The following TMEM190 variants were observed in gnomAD, a reference collection of about 807,000 sequenced individuals.
TMEM190 encodes transmembrane protein 190.
TMEM190 carries 17 observed loss-of-function variants against 17.1 expected under a neutral mutation model. That is an observed-to-expected ratio of 0.99 (90% CI 0.68 to 1.49). TMEM190 has a LOEUF of 1.49. Among genes scored for constraint, TMEM190 ranks in the 40% most tolerant of loss-of-function variants. TMEM190 has a pLI of 0.00. For missense variants in TMEM190, 246 were observed against 245.0 expected, an observed-to-expected ratio of 1.00 and a Z score of -0.03; for synonymous variants, 101 against 103.8, an observed-to-expected ratio of 0.97 and a Z score of 0.16.
Position 55,377,602 on chromosome 19 carries a change from G to A in TMEM190, c.104G>A (p.Gly35Asp). 1.9e-6 allele frequency: 3 copies of A among 1,610,620 alleles called. No homozygotes were observed. Among genetic ancestry groups the A allele is most frequent in the South Asian group, 1.1e-5 (1 of 90,706 alleles). The change falls in exon 3 of 5, where the codon GGT becomes GAT. Residue 35 changes from glycine to aspartate, a missense_variant. Physicochemically the swap from Gly to Asp is moderately conservative, Grantham distance 94. Coordinates refer to ENST00000291934, the MANE Select transcript of TMEM190 (RefSeq NM_139172.3). ...GGTGGTTGGTCCCCAGGCTGTGAGG[G>A]TGACATATGGGACCGGGAGAGCTGT... Reference protein sequence around the residue: ...QGFFYPWSCEGDIWDRESCGG... With the variant: ...QGFFYPWSCEDDIWDRESCGG...
At chr19:55,377,745 G>A (rs1288969466) in intron 3 of TMEM190, 27 bp downstream of exon 3, 2 of 1,611,894 alleles carry the variant, frequency 1.2e-6, no homozygotes, top group Middle Eastern at 1.6e-4. Flanking sequence ...CCAGGTCCCT[G>A]GGGCGTGGGT....
Position 55,377,819 on chromosome 19 carries a change from C to G in TMEM190, c.238C>G (p.His80Asp), listed in dbSNP as rs2089864273. ...QRPDENVRRK[H>D]MWALVWTCSG... is the part of the protein sequence containing the mutation. ...TTGTCCAGAAAACGTGCGGAGGAAG[C>G]ACATGTGGGCGCTGGTCTGGACGTG... The change falls in exon 4 of 5, where the codon CAC (histidine) becomes GAC (aspartate). Residue 80 changes from histidine (H) to aspartate (D), a missense_variant. Physicochemically the swap from His to Asp is moderately conservative, Grantham distance 81 (BLOSUM62 -1). Coordinates refer to ENST00000291934, the MANE Select transcript of TMEM190 (RefSeq NM_139172.3). 6.2e-7 allele frequency: 1 copy of G among 1,611,750 alleles called. No homozygotes were observed. Among genetic ancestry groups the G allele is most frequent in the Non-Finnish European group, 8.5e-7 (1 of 1,179,794 alleles).
chr19:55,378,019 C>T lies in TMEM190; in HGVS notation c.350C>T (p.Ala117Val), dbSNP rs370742717. ...GTGCTGCATATGCCCGGTTTCCTGG[C>T]GGGTCCGTGTGACATGTCCAAGTCC... is the stretch of plus-strand genomic sequence containing the variant. ...RDVLHMPGFLAGPCDMSKSVS... is the reference protein window; with the variant it reads ...RDVLHMPGFLVGPCDMSKSVS... Residue 117 changes from alanine (A) to valine (V), a missense_variant, in exon 5 of 5, where the codon GCG becomes GTG. Physicochemically the swap from Ala to Val is moderately conservative, Grantham distance 64. Transcript: ENST00000291934. 49 of 1,612,640 alleles carry T rather than the reference C, an allele frequency of 3.0e-5. 1 individual carries two copies. Among genetic ancestry groups the T allele is most frequent in the South Asian group, 3.0e-4 (27 of 91,042 alleles).
In TMEM190 at chr19:55,377,713, C is replaced by G. The variant is rs772717382; in HGVS notation, c.215C>G (p.Pro72Arg). 1 of 1,611,698 alleles carries G rather than the reference C, an allele frequency of 6.2e-7. No individual in the cohort carries two copies. Among genetic ancestry groups the G allele is most frequent in the South Asian group, 1.1e-5 (1 of 90,916 alleles). Residue 72 changes from proline (P) to arginine (R), a missense_variant, in exon 3 of 5, where the codon CCA (proline) becomes CGA (arginine). Coordinates refer to ENST00000291934, the MANE Select transcript of TMEM190 (RefSeq NM_139172.3). ...YRNGVCYHQR[P>R]DENVRRKHMW... The stretch of plus-strand genomic sequence containing the variant: ...AATGGGGTCTGCTACCACCAGCGTC[C>G]AGACGGTGAGGGCTCCTGGCCCCAG...
At chr19:55,377,529 T>C (rs2123257076) in intron 2 of TMEM190, 64 bp from the exon 3 acceptor site, 5 of 1,552,328 alleles carry the variant, frequency 3.2e-6, no homozygotes, top group Non-Finnish European at 4.4e-6. Context: ...CCTTGGAATC[T>C]CGTGTATGAG....
In TMEM190 at chr19:55,377,010, ATTC is replaced by A. The variant is rs1464091070; in HGVS notation, c.83_85del (p.Phe28del). 6.4e-7 allele frequency: 1 copy of A among 1,551,364 alleles called. No homozygotes were observed. Among genetic ancestry groups the A allele is most frequent in the Non-Finnish European group, 8.7e-7 (1 of 1,146,976 alleles). ...TCGCAGACGGAAATGGAATCCAGGG[ATTC>A]TTCTACCCATGGAGTGAGCAGCCGC... is the stretch of plus-strand genomic sequence containing the variant. On this transcript the variant is annotated inframe_deletion, in exon 2 of 5. Transcript: ENST00000291934.
At position 55,377,837 on chromosome 19, in the gene TMEM190, T is replaced by C; in HGVS notation, c.256T>C (p.Trp86Arg). Residue 86 changes from tryptophan (W) to arginine (R), a missense_variant, in exon 4 of 5, where the codon TGG becomes CGG. Trp to Arg is a moderately radical substitution (Grantham distance 101, BLOSUM62 -3). Transcript: ENST00000291934. ...GAGGAAGCACATGTGGGCGCTGGTCTGGACGTGCAGCGGCCTCCTCCTCCT... is the reference window on the plus strand; with the variant it reads ...GAGGAAGCACATGTGGGCGCTGGTCCGGACGTGCAGCGGCCTCCTCCTCCT... Reference protein sequence around the residue: ...VRRKHMWALVWTCSGLLLLSC... With the variant: ...VRRKHMWALVRTCSGLLLLSC... 1 of 1,611,330 alleles carries C rather than the reference T, an allele frequency of 6.2e-7. No individual in the cohort carries two copies. The highest frequency in any genetic ancestry group is 8.5e-7 in the Non-Finnish European group (1 of 1,179,830).
rs759264072 is a variant in TMEM190 at position 55,378,186 on chromosome 19, G to A, written c.517G>A (p.Glu173Lys). The A allele has an allele frequency of 9.7e-6, 15 of 1,549,678 alleles. No individual in the cohort carries two copies. In the East Asian group the frequency reaches 1.6e-4, roughly 16 times the overall value. Residue 173 changes from glutamate to lysine, a missense_variant, in exon 5 of 5, where the codon GAG becomes AAG. Glu to Lys is a moderately conservative substitution (Grantham distance 56, BLOSUM62 1). Transcript: ENST00000291934. The stretch of plus-strand genomic sequence containing the variant: ...GGAGGAGGGTGAGGAGACAGAGGGC[G>A]AGGAAGAGGAGGATTAGGGGAGTCC... Reference protein sequence around the residue: ...GTEEGEETEGEEEED With the variant: ...GTEEGEETEGKEEED
rs371891463 is a variant in TMEM190 at position 55,378,112 on chromosome 19, T to G, written c.443T>G (p.Leu148Arg). 2.5e-6 allele frequency: 4 copies of G among 1,605,720 alleles called. No individual in the cohort carries two copies. The African/African-American group carries it at 5.4e-5, about 22-fold the overall frequency. The change falls in exon 5 of 5, where the codon CTG (leucine) becomes CGG (arginine). Residue 148 changes from leucine to arginine, a missense_variant. Leu to Arg is a moderately radical substitution (Grantham distance 102). Transcript: ENST00000291934. Reference sequence around the variant, plus strand: ...TCCACGGGCAGCGTGCCAGTCGCCCTGTCCAAAGAGTCCAGGGATGTGGAG... The same window carrying G: ...TCCACGGGCAGCGTGCCAGTCGCCCGGTCCAAAGAGTCCAGGGATGTGGAG... ...TPSTGSVPVA[L>R]SKESRDVEGG...
Position 55,378,183 on chromosome 19 carries a change from G to T in TMEM190, c.514G>T (p.Gly172Cys). ...GACGGAGGAGGGTGAGGAGACAGAG[G>T]GCGAGGAAGAGGAGGATTAGGGGAG... ...EGTEEGEETE[G>C]EEEED The change falls in exon 5 of 5, where the codon GGC (glycine) becomes TGC (cysteine). Residue 172 changes from glycine (G) to cysteine (C), a missense_variant. By Grantham distance (159) the Gly-to-Cys change is radical. Coordinates refer to ENST00000291934, the MANE Select transcript of TMEM190 (RefSeq NM_139172.3). 1 of 1,553,030 alleles carries T rather than the reference G, an allele frequency of 6.4e-7. No individual in the cohort carries two copies. The highest frequency in any genetic ancestry group is 8.7e-7 in the Non-Finnish European group (1 of 1,147,032).
intron 4 of TMEM190, 30 bp downstream of exon 4, chr19:55,377,916 T>A (rs1170287859): frequency 6.2e-7 from 1 of 1,606,466 alleles, no homozygotes. Context: ...GGCGGGCGCC[T>A]GCACCCCCAG....
At position 55,376,940 on chromosome 19, in the gene TMEM190, A is replaced by AGGCGGG. The variant is rs751154914; in HGVS notation, c.58+31_58+32insCGGGGG. On this transcript the variant is annotated intron_variant, in intron 1 of 4. Transcript: ENST00000291934. ...AGGGGCTGGTGAGGCGGGGGAGCTG[A>AGGCGGG]GGAGGGACGCCCGGCTCCACACAGC... The AGGCGGG allele has an allele frequency of 2.6e-5, 41 of 1,556,950 alleles. No homozygotes were observed. The East Asian group carries it at 9.3e-4, about 35-fold the overall frequency.
chr19:55,377,241 G>GA (rs1169005321), intron 2 of TMEM190, among the ~76,000 whole-genome samples: 8 of 151,346 alleles, frequency 5.3e-5, no homozygotes, highest in Non-Finnish European at 1.2e-4. Context: ...TCTGAGGGAG[G>GA]AGGGCTGGAC....
At position 55,378,244 on chromosome 19, in the gene TMEM190, G is replaced by C. The variant is rs748699146; in HGVS notation, c.*41G>C. On this transcript the variant is annotated 3_prime_UTR_variant, in exon 5 of 5. Coordinates refer to ENST00000291934, the MANE Select transcript of TMEM190 (RefSeq NM_139172.3). ...ACTGCTCAATACAGATACGGTGGACGGACGTGTGTTCTCTTCTCTGAAAGC... is the reference window on the plus strand; with the variant it reads ...ACTGCTCAATACAGATACGGTGGACCGACGTGTGTTCTCTTCTCTGAAAGC... 8.0e-6 allele frequency: 12 copies of C among 1,494,972 alleles called. No individual in the cohort carries two copies. In the Admixed American group the frequency reaches 2.8e-4, roughly 35 times the overall value. The allele number at this position is 1,494,972 out of a possible 1,614,324, so 92.6% of individuals were successfully genotyped here.
At chr19:55,376,965 C>T (rs772476710) in intron 1 of TMEM190, 26 bp from the exon 2 acceptor site, 18 of 1,552,518 alleles carry the variant, frequency 1.2e-5, no homozygotes, top group Non-Finnish European at 1.6e-5. Context: ...CTCCACACAG[C>T]CCTAACACTG....
chr19:55,377,450 AGG>A, intron 2 of TMEM190, 141 bp from the exon 3 acceptor site: 1 of 1,316,098 alleles, frequency 7.6e-7, no homozygotes, highest in Non-Finnish European at 1.0e-6. Flanking sequence ...CTGAGGGAGG[AGG>A]GGGTGGAGTC....
Position 55,378,163 on chromosome 19 carries a change from A to G in TMEM190, c.494A>G (p.Glu165Gly), listed in dbSNP as rs1372839571. ...VEGGTEGEGTEEGEETEGEEE... is the reference protein window; with the variant it reads ...VEGGTEGEGTGEGEETEGEEE... ...GGAGGCACCGAGGGGGAAGGGACGG[A>G]GGAGGGTGAGGAGACAGAGGGCGAG... is the stretch of plus-strand genomic sequence containing the variant. The change falls in exon 5 of 5, where the codon GAG (glutamate) becomes GGG (glycine). Residue 165 changes from glutamate to glycine, a missense_variant. Glu to Gly is a moderately conservative substitution (Grantham distance 98, BLOSUM62 -2). Coordinates refer to ENST00000291934, the MANE Select transcript of TMEM190 (RefSeq NM_139172.3). 1 of 1,567,298 alleles carries G rather than the reference A, an allele frequency of 6.4e-7. No homozygotes were observed. Among genetic ancestry groups the G allele is most frequent in the Non-Finnish European group, 8.7e-7 (1 of 1,153,446 alleles).
chr19:55,376,953 G>A (rs755182862), intron 1 of TMEM190, 38 bp from the exon 2 acceptor site: 10 of 1,553,640 alleles, frequency 6.4e-6, no homozygotes, highest in African/African-American at 1.4e-5. Flanking sequence ...AGGGACGCCC[G>A]GCTCCACACA....
Position 55,376,839 on chromosome 19 carries a change from G to T in TMEM190, c.-15G>T, listed in dbSNP as rs2089854654. 5.8e-6 allele frequency: 9 copies of T among 1,550,774 alleles called. No homozygotes were observed. Among genetic ancestry groups the T allele is most frequent in the Non-Finnish European group, 6.1e-6 (7 of 1,147,594 alleles). On this transcript the variant is annotated 5_prime_UTR_variant, in exon 1 of 5. Transcript: ENST00000291934. The stretch of plus-strand genomic sequence containing the variant: ...GCCTCTTCCCACAGTGGCCCCAGGG[G>T]TCTGGGGAGGTGACATGTTGGGCTG...
Sources: allele counts gnomAD v4.1 joint callset (sites outside exome capture counted in the v4.1 genomes callset), GRCh38; gene constraint gnomAD v4.1.1; transcripts MANE v1.5; gene names NCBI Gene and HGNC (gene_info 2026-07-23, HGNC 2026-07-21).